NDST1: variants seen among roughly 807,000 people sequenced by gnomAD.
NDST1 encodes N-deacetylase and N-sulfotransferase 1.
A neutral mutation model predicts 92.8 loss-of-function variants in NDST1; 35 were observed. The observed-to-expected ratio is 0.38, with a 90% CI of 0.29 to 0.50. NDST1 has a LOEUF of 0.50. NDST1 is among the 20% of genes least tolerant of loss of function. The probability of loss-of-function intolerance (pLI) is 0.94; values close to 1 mark genes in which losing one functional copy is unlikely to be tolerated. For missense variants in NDST1, 822 were observed against 1,182.7 expected (o/e 0.69, Z 4.47); for synonymous variants, 493 against 500.3 (o/e 0.99, Z 0.19).
chr5:150,522,798 T>C (rs1754301644), intron 2 of NDST1, among the ~76,000 whole-genome samples: 1 of 152,194 alleles, frequency 6.6e-6, no homozygotes, highest in South Asian at 2.1e-4. Flanking sequence ...GAGCTTGACA[T>C]TATTTTAGGA....
At chr5:150,519,790 G>T (rs992688677) in intron 1 of NDST1, among the ~76,000 whole-genome samples, 18 of 152,316 alleles carry the variant, frequency 1.2e-4, no homozygotes, top group African/African-American at 4.1e-4. Context: ...GACTGTGTTT[G>T]GGGTTGCTGT....
chr5:150,551,198 A>T (rs1442116058), intron 13 of NDST1, among the ~76,000 whole-genome samples: 2 of 152,130 alleles, frequency 1.3e-5, no homozygotes, highest in Non-Finnish European at 2.9e-5. Flanking sequence ...TGAAGACAGG[A>T]TGATGTTGGC....
Position 150,553,147 on chromosome 5 carries a change from G to A in NDST1, c.2530-66G>A, listed in dbSNP as rs1473210751. 1.3e-6 allele frequency: 2 copies of A among 1,575,472 alleles called. No individual in the cohort carries two copies. The highest frequency in any genetic ancestry group is 1.7e-6 in the Non-Finnish European group (2 of 1,152,790). ...TGAGCCACCGTGCCCGGCCGAGCAT[G>A]GCGATTTTTAGAGGAGGTCACTCTT... is the stretch of plus-strand genomic sequence containing the variant. On this transcript the variant is annotated intron_variant, in intron 14 of 14. Transcript: ENST00000261797. This position sits in a 1 kb window ranked among gnomAD's most constrained non-coding sequence, Gnocchi z 4.2.
chr5:150,521,173 A>T lies in NDST1; in HGVS notation c.-82A>T. The T allele has an allele frequency of 7.6e-7, 1 of 1,314,306 alleles. No individual in the cohort carries two copies. The highest frequency in any genetic ancestry group is 1.3e-5 in the South Asian group (1 of 76,042). 81.4% of individuals were successfully genotyped at this position (1,314,306 alleles called of 1,614,324 possible). A position where few individuals can be genotyped will look rare whatever the true frequency, so the allele number is the denominator to read the frequency against. ...CTGTGAATTTGTTGGTCAGTGGACG[A>T]TTCTCGTGTCTCCTCCTGTGTGGGG... On this transcript the variant is annotated 5_prime_UTR_variant, in exon 2 of 15. Coordinates refer to ENST00000261797, the MANE Select transcript of NDST1 (RefSeq NM_001543.5). This position sits in a 1 kb window ranked among gnomAD's most constrained non-coding sequence, Gnocchi z 5.9.
chr5:150,502,024 AGGATGGT>A (rs1314178920), intron 1 of NDST1, among the ~76,000 whole-genome samples: 6 of 152,090 alleles, frequency 3.9e-5, no homozygotes, highest in Non-Finnish European at 8.8e-5. Context: ...AAAGAATGAG[AGGATGGT>A]GGAGGAGAGG....
At chr5:150,511,640 G>A (rs1463271543) in intron 1 of NDST1, among the ~76,000 whole-genome samples, 2 of 152,128 alleles carry the variant, frequency 1.3e-5, no homozygotes, top group East Asian at 3.9e-4. Flanking sequence ...CTCTGAGCCA[G>A]ACCTCCAACA....
At chr5:150,511,798 C>T (rs966718926) in intron 1 of NDST1, among the ~76,000 whole-genome samples, 1 of 152,130 alleles carries the variant, frequency 6.6e-6, no homozygotes, top group African/African-American at 2.4e-5. Context: ...TGGTCTCGGC[C>T]TCCCAGGGAT....
At chr5:150,515,535 A>T (rs1312089115) in intron 1 of NDST1, among the ~76,000 whole-genome samples, 2 of 152,208 alleles carry the variant, frequency 1.3e-5, no homozygotes, top group Non-Finnish European at 2.9e-5. Context: ...CAGAGGGGTC[A>T]TGACTTTGGA....
intron 13 of NDST1, among the ~76,000 whole-genome samples, chr5:150,550,245 A>G (rs1755662722): frequency 6.6e-6 from 1 of 151,868 alleles, no homozygotes; most frequent in Non-Finnish European, 1.5e-5. Context: ...GGGACCGCAG[A>G]CATGTGCCAC....
intron 10 of NDST1, among the ~76,000 whole-genome samples, chr5:150,544,215 C>T (rs1009138264): frequency 1.3e-5 from 2 of 152,218 alleles, no homozygotes; most frequent in Non-Finnish European, 2.9e-5. Flanking sequence ...ACATCTTCAG[C>T]GACACCTGGG....
At chr5:150,514,129 C>T (rs1405819235) in intron 1 of NDST1, among the ~76,000 whole-genome samples, 1 of 152,244 alleles carries the variant, frequency 6.6e-6, no homozygotes, top group Non-Finnish European at 1.5e-5. Context: ...GGAGTTATCT[C>T]CCACCCATGG....
chr5:150,543,799 A>G (rs12514772), intron 10 of NDST1, among the ~76,000 whole-genome samples: 46,010 of 143,990 alleles, frequency 0.32, 8,593 homozygotes, highest in Non-Finnish European at 0.41. Flanking sequence ...TTTTTTTTTG[A>G]GATGGAATCT....
chr5:150,508,523 G>T (rs1440903643), intron 1 of NDST1, among the ~76,000 whole-genome samples: 1 of 152,176 alleles, frequency 6.6e-6, no homozygotes, highest in Non-Finnish European at 1.5e-5. Flanking sequence ...GGAAGGAAGG[G>T]CTCAGTTTCT....
chr5:150,538,365 G>A (rs1225331655), intron 6 of NDST1, among the ~76,000 whole-genome samples: 1 of 152,188 alleles, frequency 6.6e-6, no homozygotes, highest in Non-Finnish European at 1.5e-5. Context: ...TATCATTCTG[G>A]CTGTTGTGTG....
intron 2 of NDST1, among the ~76,000 whole-genome samples, chr5:150,526,829 G>A (rs1754498317): frequency 6.7e-6 from 1 of 150,220 alleles, no homozygotes; most frequent in Non-Finnish European, 1.5e-5. Context: ...GGGTGAGGAA[G>A]GTCATGAAGG....
Position 150,523,286 on chromosome 5 carries a change from G to C in NDST1, c.513+1519G>C, listed in dbSNP as rs182632209. Among the ~76,000 whole-genome samples, 13 of 152,280 alleles carry C rather than the reference G, an allele frequency of 8.5e-5. No homozygotes were observed. In the East Asian group the frequency reaches 2.5e-3, roughly 29 times the overall value. ...CAAGTCAGATTATCTCCATTGTCTGGTTGTCTCTTTTCTCTTGGACTCTGT... is the reference window on the plus strand; with the variant it reads ...CAAGTCAGATTATCTCCATTGTCTGCTTGTCTCTTTTCTCTTGGACTCTGT... On this transcript the variant is annotated intron_variant, in intron 2 of 14. Coordinates refer to ENST00000261797, the MANE Select transcript of NDST1 (RefSeq NM_001543.5).
chr5:150,552,255 A>G (rs532952103), intron 14 of NDST1, among the ~76,000 whole-genome samples: 1 of 152,238 alleles, frequency 6.6e-6, no homozygotes, highest in South Asian at 2.1e-4. Flanking sequence ...CTTGAACCTG[A>G]GAGGGGTAAA....
At position 150,527,784 on chromosome 5, in the gene NDST1, C is replaced by G. The variant is rs201971025; in HGVS notation, c.514-20C>G. 36 of 1,612,434 alleles carry G rather than the reference C, an allele frequency of 2.2e-5. No individual in the cohort carries two copies. Among genetic ancestry groups the G allele is most frequent in the African/African-American group, 6.7e-5 (5 of 74,944 alleles). ...GGATGTGACAGTTCTGTTCCCCTTC[C>G]TGCCCTCCATTGACTGCAGGCCAAT... On this transcript the variant is annotated intron_variant, in intron 2 of 14. Transcript: ENST00000261797.
At position 150,536,003 on chromosome 5, in the gene NDST1, C is replaced by G. The variant is rs1044588427; in HGVS notation, c.1437+118C>G. 29 of 1,237,518 alleles carry G rather than the reference C, an allele frequency of 2.3e-5. 1 individual carries two copies. The highest frequency in any genetic ancestry group is 2.6e-4 in the Middle Eastern group (1 of 3,850). The allele number at this position is 1,237,518 out of a possible 1,614,324, so 76.7% of individuals were successfully genotyped here. ...GTTTGCTGGCTTAGGGGTTGCAGAT[C>G]AGCTTCTGCTGCCTCCTCTGGCACC... is the stretch of plus-strand genomic sequence containing the variant. On this transcript the variant is annotated intron_variant, in intron 6 of 14. Transcript: ENST00000261797.
Sources: allele counts gnomAD v4.1 joint callset (sites outside exome capture counted in the v4.1 genomes callset), GRCh38; gene constraint gnomAD v4.1.1; non-coding constraint Gnocchi (gnomAD v3.1); transcripts MANE v1.5; gene names NCBI Gene and HGNC (gene_info 2026-07-23, HGNC 2026-07-21).